The following PLCB3 variants were observed in gnomAD, a reference collection of about 807,000 sequenced individuals.
PLCB3 encodes phospholipase C beta 3, also known as 1-phosphatidylinositol 4,5-bisphosphate phosphodiesterase beta-3.
PLCB3 carries 54 observed loss-of-function variants against 152.1 expected under a neutral mutation model. The ratio of observed to expected loss-of-function variants is 0.36; its 90% CI spans 0.29 to 0.45. The LOEUF (loss-of-function observed/expected upper bound fraction) is 0.45. Among genes scored for constraint, PLCB3 ranks in the 20% least tolerant of loss-of-function variants. The probability of loss-of-function intolerance (pLI) is 1.00; values close to 1 mark genes in which losing one functional copy is unlikely to be tolerated. For synonymous variants in PLCB3, 717 were observed against 698.7 expected (o/e 1.03, Z -0.41); for missense variants, 1,248 against 1,687.5 (o/e 0.74, Z 4.56).
intron 1 of PLCB3, among the ~76,000 whole-genome samples, chr11:64,252,832 G>A (rs1036735551): frequency 2.6e-5 from 4 of 152,182 alleles, no homozygotes; most frequent in East Asian, 1.9e-4. Context: ...GGGTGCTGAC[G>A]GAGGCTTGGG....
Position 64,260,247 on chromosome 11 carries a change from G to A in PLCB3, c.1731+13G>A. ...AACTACAGATGAGGTCAGGCCCACAGGGTGGGCAGGTCGGGGAGGTAGCAT... is the reference window on the plus strand; with the variant it reads ...AACTACAGATGAGGTCAGGCCCACAAGGTGGGCAGGTCGGGGAGGTAGCAT... On this transcript the variant is annotated intron_variant, in intron 14 of 30. Coordinates refer to ENST00000279230, the MANE Select transcript of PLCB3 (RefSeq NM_000932.5). The A allele has an allele frequency of 6.5e-7, 1 of 1,541,480 alleles. No individual in the cohort carries two copies. The highest frequency in any genetic ancestry group is 8.8e-7 in the Non-Finnish European group (1 of 1,140,206).
chr11:64,258,400 G>C lies in PLCB3; in HGVS notation c.1013-73G>C, dbSNP rs1309097924. The C allele has an allele frequency of 6.5e-7, 1 of 1,545,160 alleles. No individual in the cohort carries two copies. The highest frequency in any genetic ancestry group is 1.8e-5 in the Admixed American group (1 of 54,406). On this transcript the variant is annotated intron_variant, in intron 10 of 30. Coordinates refer to ENST00000279230, the MANE Select transcript of PLCB3 (RefSeq NM_000932.5). The surrounding 1 kb of genome is among the most constrained non-coding windows in gnomAD (Gnocchi z 7.2). ...CCCTCTGCAAATCCAGCATGTCCTGGTTCCAGGTGGGGCCGGGGTGGTGAG... is the reference window on the plus strand; with the variant it reads ...CCCTCTGCAAATCCAGCATGTCCTGCTTCCAGGTGGGGCCGGGGTGGTGAG...
intron 19 of PLCB3, among the ~76,000 whole-genome samples, 181 bp downstream of exon 19, chr11:64,262,989 T>C (rs2031932262): frequency 6.6e-6 from 1 of 151,964 alleles, no homozygotes; most frequent in Non-Finnish European, 1.5e-5. Flanking sequence ...CTCCTTAGGG[T>C]AAGAGACCAG....
In PLCB3 at chr11:64,259,055, C is replaced by T. The variant is rs188753925; in HGVS notation, c.1339-3C>T. ...GGGCCCTGACTCGTCCATGCCTGCC[C>T]AGCTGGCCCCAGGCGTTCCCCTGCC... On this transcript the variant is annotated splice_polypyrimidine_tract_variant and splice_region_variant and intron_variant, in intron 12 of 30. Coordinates refer to ENST00000279230, the MANE Select transcript of PLCB3 (RefSeq NM_000932.5). 3.2e-5 allele frequency: 52 copies of T among 1,611,506 alleles called. No homozygotes were observed. The highest frequency in any genetic ancestry group is 4.4e-5 in the Non-Finnish European group (52 of 1,178,688).
chr11:64,252,054 G>C (rs781455394), intron 1 of PLCB3, among the ~76,000 whole-genome samples: 1 of 151,802 alleles, frequency 6.6e-6, no homozygotes, highest in African/African-American at 2.4e-5. Context: ...ACTAATTCTC[G>C]TTCCCCGATC....
Position 64,265,938 on chromosome 11 carries a change from C to T in PLCB3, c.3088C>T (p.Arg1030Trp), listed in dbSNP as rs753853049. Reference sequence around the variant, plus strand: ...GAAGGAGGGGGAGGACGAGGCAAAGCGGTATCAGGAGTTCCAGAACAGACA... The same window carrying T: ...GAAGGAGGGGGAGGACGAGGCAAAGTGGTATCAGGAGTTCCAGAACAGACA... ...DTKEGEDEAK[R>W]YQEFQNRQVQ... The change falls in exon 26 of 31, where the codon CGG becomes TGG. Residue 1030 changes from arginine (R) to tryptophan (W), a missense_variant. This residue lies in a region of PLCB3 where 477 missense variants were observed against 489.6 expected (regional missense o/e 0.97). Transcript: ENST00000279230. 3.5e-5 allele frequency: 57 copies of T among 1,613,596 alleles called. No homozygotes were observed. Among genetic ancestry groups the T allele is most frequent in the African/African-American group, 9.3e-5 (7 of 74,902 alleles).
intron 20 of PLCB3, 39 bp downstream of exon 20, chr11:64,263,636 T>C: frequency 6.2e-7 from 1 of 1,604,840 alleles, no homozygotes; most frequent in Non-Finnish European, 8.5e-7. Context: ...CAGCGGGCAG[T>C]GGGTAGGGCC....
Position 64,265,311 on chromosome 11 carries a change from G to A in PLCB3, c.2844G>A (p.Glu948=), listed in dbSNP as rs1319573521. The part of the protein sequence containing the change: ...RDDLIASILS[E]VAPTPLDELR... The stretch of plus-strand genomic sequence containing the variant: ...CCACCTTTGCTCTGCCGCTCCCAGA[G>A]GTGGCCCCCACCCCGCTGGATGAGC... The change falls in exon 25 of 31, where the codon GAG becomes GAA. Residue 948 remains glutamate, a splice_region_variant and synonymous_variant. Coordinates refer to ENST00000279230, the MANE Select transcript of PLCB3 (RefSeq NM_000932.5). 1 of 1,587,966 alleles carries A rather than the reference G, an allele frequency of 6.3e-7. No individual in the cohort carries two copies. Among genetic ancestry groups the A allele is most frequent in the Non-Finnish European group, 8.6e-7 (1 of 1,165,472 alleles).
rs2032140837 is a variant in PLCB3 at position 64,266,709 on chromosome 11, GC to G, written c.3414+159del. ...CCAGGGTACCCACATCATACCCAAA[GC>G]CAACTGTCTGTACCAGTGTCCCTGG... On this transcript the variant is annotated intron_variant, in intron 29 of 30. Transcript: ENST00000279230. This position sits in a 1 kb window ranked among gnomAD's most constrained non-coding sequence, Gnocchi z 4.9. Among the ~76,000 whole-genome samples, 1 of 152,114 alleles carries G rather than the reference GC, an allele frequency of 6.6e-6. No individual in the cohort carries two copies. The highest frequency in any genetic ancestry group is 2.4e-5 in the African/African-American group (1 of 41,424).
At chr11:64,268,588 C>G (rs1191142138), downstream of PLCB3, 1 of 152,368 alleles carries the variant, frequency 6.6e-6, no homozygotes, top group African/African-American at 2.4e-5. Flanking sequence ...CAGGGCAGGC[C>G]TGGACCCTCC....
intron 1 of PLCB3, among the ~76,000 whole-genome samples, chr11:64,252,117 C>A (rs2031241444): frequency 1.3e-5 from 2 of 152,160 alleles, no homozygotes; most frequent in African/African-American, 4.8e-5. Context: ...GCTGCAGGAC[C>A]CTGACTTCCA....
chr11:64,255,067 G>A lies in PLCB3; in HGVS notation c.387+29G>A, dbSNP rs1165321269. 2 of 1,574,752 alleles carry A rather than the reference G, an allele frequency of 1.3e-6. No homozygotes were observed. Among genetic ancestry groups the A allele is most frequent in the African/African-American group, 1.3e-5 (1 of 74,222 alleles). ...GGCTGGCACCAAGGGGACGAAGGGG[G>A]AGTCACTGTCTTATTCTGTGAGTCG... On this transcript the variant is annotated intron_variant, in intron 4 of 30. Transcript: ENST00000279230. The surrounding 1 kb of genome is among the most constrained non-coding windows in gnomAD (Gnocchi z 6.8).
intron 10 of PLCB3, among the ~76,000 whole-genome samples, chr11:64,257,302 C>T (rs1276952998): frequency 2.6e-5 from 4 of 152,122 alleles, no homozygotes; most frequent in Non-Finnish European, 5.9e-5. Flanking sequence ...CCTCGCCCAG[C>T]CTGCAGGGTG....
At chr11:64,262,098 C>T (rs777909672) in intron 17 of PLCB3, 22 bp downstream of exon 17, 1 of 1,613,902 alleles carries the variant, frequency 6.2e-7, no homozygotes, top group Non-Finnish European at 8.5e-7. Context: ...CCCCCTCCAT[C>T]TTGACCCCGA....
rs570819056 is a variant in PLCB3 at position 64,267,628 on chromosome 11, C to CTTTT, written c.*86_*89dup. ...AGGGCAGGAGGCAATGACACTAATG[C>CTTTT]TTTTTTTTTTTTTTTTTAACTTTTT... is the stretch of plus-strand genomic sequence containing the variant. On this transcript the variant is annotated 3_prime_UTR_variant, in exon 31 of 31. Transcript: ENST00000279230. The surrounding 1 kb of genome is among the most constrained non-coding windows in gnomAD (Gnocchi z 5.2). 2 of 772,818 alleles carry CTTTT rather than the reference C, an allele frequency of 2.6e-6. No individual in the cohort carries two copies. The highest frequency in any genetic ancestry group is 3.2e-5 in the Admixed American group (1 of 31,170). 47.9% of individuals were successfully genotyped at this position (772,818 alleles called of 1,614,324 possible).
At position 64,255,506 on chromosome 11, in the gene PLCB3, C is replaced by T; in HGVS notation, c.522-35C>T. On this transcript the variant is annotated intron_variant, in intron 6 of 30. Coordinates refer to ENST00000279230, the MANE Select transcript of PLCB3 (RefSeq NM_000932.5). The surrounding 1 kb of genome is among the most constrained non-coding windows in gnomAD (Gnocchi z 6.8). Reference sequence around the variant, plus strand: ...TGCCCTGACCTTGGTGACCTTTGTCCTCCACTGACCCTGAACCCCTCCTGC... The same window carrying T: ...TGCCCTGACCTTGGTGACCTTTGTCTTCCACTGACCCTGAACCCCTCCTGC... The T allele has an allele frequency of 6.2e-7, 1 of 1,613,986 alleles. No individual in the cohort carries two copies.
chr11:64,253,340 A>G (rs942502778), intron 1 of PLCB3, among the ~76,000 whole-genome samples: 6 of 152,200 alleles, frequency 3.9e-5, no homozygotes, highest in Non-Finnish European at 8.8e-5. Context: ...CAGTGTCCTC[A>G]TCTGTAAAAT....
In PLCB3 at chr11:64,251,613, G is replaced by A; in HGVS notation, c.-37G>A. The A allele has an allele frequency of 8.3e-7, 1 of 1,207,442 alleles. No homozygotes were observed. The highest frequency in any genetic ancestry group is 1.1e-6 in the Non-Finnish European group (1 of 913,690). 74.8% of individuals were successfully genotyped at this position (1,207,442 alleles called of 1,614,324 possible). On this transcript the variant is annotated 5_prime_UTR_variant, in exon 1 of 31. Transcript: ENST00000279230. The stretch of plus-strand genomic sequence containing the variant: ...GCAGCGGCGCCGTCGGTCCCCGTCA[G>A]GGCTCCGTGGGTCCCCGACCCGCCC...
rs1393963193 is a variant in PLCB3, at chr11:64,261,441, C to G, written c.1773C>G (p.Ser591=). The G allele has an allele frequency of 1.2e-6, 2 of 1,614,164 alleles. No homozygotes were observed. The highest frequency in any genetic ancestry group is 1.7e-6 in the Non-Finnish European group (2 of 1,180,022). Residue 591 remains serine (S), a synonymous_variant, in exon 15 of 31, where the codon TCC becomes TCG. Coordinates refer to ENST00000279230, the MANE Select transcript of PLCB3 (RefSeq NM_000932.5). ...AGGTGAATGCCACTGAGGAGATGTC[C>G]ACGCTTGTCAACTACATCGAACCTG... ...SSEVNATEEM[S]TLVNYIEPVK...
Sources: gnomAD v4.1 joint callset for allele counts (sites outside exome capture counted in the v4.1 genomes callset) on GRCh38, gnomAD v4.1.1 for gene constraint, gnomAD v4.1.1 regional missense constraint, Gnocchi (gnomAD v3.1) non-coding constraint, MANE v1.5 for transcripts, NCBI Gene and HGNC (gene_info 2026-07-23, HGNC 2026-07-21) for gene names.